KCNK2: variants seen among roughly 807,000 people sequenced by gnomAD.
The protein encoded by KCNK2 is potassium channel subfamily K member 2.
A neutral mutation model predicts 40.5 loss-of-function variants in KCNK2; 21 were observed. The ratio of observed to expected loss-of-function variants is 0.52; its 90% CI spans 0.37 to 0.75. The LOEUF (loss-of-function observed/expected upper bound fraction) is 0.75. Ranked by LOEUF, KCNK2 falls within the 30% of genes least tolerant of loss-of-function variation. The pLI, the probability that KCNK2 is intolerant of heterozygous loss-of-function variation, is 0.00. For synonymous variants in KCNK2, 191 were observed against 202.2 expected (o/e 0.94, Z 0.47); for missense variants, 399 against 531.6 (o/e 0.75, Z 2.45).
rs1256397862 is a variant in KCNK2, at chr1:215,007,131, G to GTGTATATATATATGTA, written c.34+1187_34+1188insATGTATGTATATATAT. Among the ~76,000 whole-genome samples, 224 of 114,836 alleles carry GTGTATATATATATGTA rather than the reference G, an allele frequency of 2.0e-3. 1 individual carries two copies. The East Asian group carries it at 0.023, about 12-fold the overall frequency. The allele number at this position is 114,836 out of a possible 152,430, so 75.3% of individuals were successfully genotyped here. On this transcript the variant is annotated intron_variant, in intron 1 of 6. Transcript: ENST00000391895. ...TATGTGTGTATATATGTATATATAT[G>GTGTATATATATATGTA]TGTATATATATGTGTATATATATAT...
chr1:215,185,361 G>T (rs887058555), intron 5 of KCNK2, among the ~76,000 whole-genome samples: 2 of 152,074 alleles, frequency 1.3e-5, no homozygotes, highest in Admixed American at 1.3e-4. Context: ...TACATTCCAG[G>T]TCCTTGTGTC....
At position 215,170,864 on chromosome 1, in the gene KCNK2, G is replaced by A. The variant is rs191726159; in HGVS notation, c.637-1133G>A. On this transcript the variant is annotated intron_variant, in intron 4 of 6. Transcript: ENST00000444842. ...CTAGATGCTGGGTAATATTTTTTAT[G>A]TTGCATATATACCAGTGCATAAAAA... is the stretch of plus-strand genomic sequence containing the variant. Among the ~76,000 whole-genome samples the A allele has an allele frequency of 2.0e-5, 3 of 152,036 alleles. No homozygotes were observed. The East Asian group carries it at 5.8e-4, about 29-fold the overall frequency.
intron 1 of KCNK2, among the ~76,000 whole-genome samples, chr1:215,064,281 A>T (rs1658460279): frequency 6.6e-6 from 1 of 151,750 alleles, no homozygotes; most frequent in African/African-American, 2.4e-5. Flanking sequence ...ATTTTCAACA[A>T]TTTTTTGTGC....
At chr1:215,201,790 A>C (rs866602359) in intron 6 of KCNK2, among the ~76,000 whole-genome samples, 5 of 152,278 alleles carry the variant, frequency 3.3e-5, no homozygotes, top group Middle Eastern at 3.4e-3. Context: ...CTAGAAAAAG[A>C]AGCTTTGACT....
chr1:215,072,676 A>T (rs1658797912), intron 1 of KCNK2, among the ~76,000 whole-genome samples: 1 of 152,192 alleles, frequency 6.6e-6, no homozygotes, highest in Non-Finnish European at 1.5e-5. Flanking sequence ...GGTGTTGGAA[A>T]TCCAGAGATT....
rs78901036 is a variant in KCNK2, at chr1:215,138,067, A to G, written c.475+13317A>G. ...AAGTGCAATTTTGTGCTACTTCAAA[A>G]ATTGAGAGAAAATACTGTATTAGAA... On this transcript the variant is annotated intron_variant, in intron 3 of 6. Transcript: ENST00000444842. Among the ~76,000 whole-genome samples, 332 of 152,338 alleles carry G rather than the reference A, an allele frequency of 2.2e-3. 1 individual carries two copies. The highest frequency in any genetic ancestry group is 7.4e-3 in the African/African-American group (307 of 41,572).
chr1:215,036,164 T>A (rs1424926761), intron 1 of KCNK2, among the ~76,000 whole-genome samples: 1 of 151,870 alleles, frequency 6.6e-6, no homozygotes, highest in East Asian at 1.9e-4. Context: ...TTTATAATTT[T>A]AGCTTTTACT....
chr1:215,026,072 T>C (rs1175154156), intron 1 of KCNK2, among the ~76,000 whole-genome samples: 5 of 152,088 alleles, frequency 3.3e-5, no homozygotes, highest in Admixed American at 3.3e-4. Flanking sequence ...CATTTATTAT[T>C]ACTTCAGTTT....
intron 3 of KCNK2, among the ~76,000 whole-genome samples, chr1:215,143,858 T>G (rs1662294532): frequency 6.6e-6 from 1 of 152,188 alleles, no homozygotes; most frequent in Admixed American, 6.5e-5. Context: ...AGACCCTATC[T>G]TTCTAAGTGG....
intron 6 of KCNK2, among the ~76,000 whole-genome samples, chr1:215,205,284 C>T (rs925426991): frequency 9.2e-5 from 14 of 152,092 alleles, no homozygotes; most frequent in African/African-American, 3.4e-4. Context: ...GTTGCCCAGG[C>T]TGGAGTGCAG....
chr1:215,033,280 T>A (rs1222086250), intron 1 of KCNK2, among the ~76,000 whole-genome samples: 4 of 152,062 alleles, frequency 2.6e-5, no homozygotes, highest in African/African-American at 9.7e-5. Flanking sequence ...ACATGGTGTC[T>A]ACTTCAATTA....
chr1:215,211,347 C>T (rs1665738212), intron 6 of KCNK2, among the ~76,000 whole-genome samples: 1 of 152,044 alleles, frequency 6.6e-6, no homozygotes. Context: ...CAGGTACCTA[C>T]CTGGCTCACC....
At chr1:215,113,788 G>A (rs994401006) in intron 2 of KCNK2, among the ~76,000 whole-genome samples, 1 of 152,066 alleles carries the variant, frequency 6.6e-6, no homozygotes, top group Non-Finnish European at 1.5e-5. Flanking sequence ...TAAAGATGGG[G>A]TTTTCCCATG....
At position 215,177,722 on chromosome 1, in the gene KCNK2, G is replaced by GTA. The variant is rs1553270861; in HGVS notation, c.823+5557_823+5558dup. Among the ~76,000 whole-genome samples the GTA allele has an allele frequency of 6.8e-3, 791 of 116,222 alleles. 9 individuals are homozygous for GTA. The highest frequency in any genetic ancestry group is 0.023 in the African/African-American group (710 of 31,496). 76.2% of individuals were successfully genotyped at this position (116,222 alleles called of 152,430 possible). ...GCTCCACTGGCCTATATATATATGTGTATATATATATATATATATTTTTTT... is the reference window on the plus strand; with the variant it reads ...GCTCCACTGGCCTATATATATATGTGTATATATATATATATATATATTTTTTT... On this transcript the variant is annotated intron_variant, in intron 5 of 6. Transcript: ENST00000444842.
At chr1:215,107,220 A>G (rs757815029) in intron 2 of KCNK2, among the ~76,000 whole-genome samples, 9 of 152,010 alleles carry the variant, frequency 5.9e-5, no homozygotes, top group Non-Finnish European at 1.2e-4. Flanking sequence ...ATCTATGAGC[A>G]TGGAACACTT....
chr1:215,022,129 A>ATCTATCTATCTATCTAATCTATCT (rs5780811), intron 1 of KCNK2, among the ~76,000 whole-genome samples: 1 of 122,962 alleles, frequency 8.1e-6, no homozygotes, highest in Non-Finnish European at 1.7e-5. Context: ...CTATCTATCT[A>ATCTATCTATCTATCTAATCTATCT]ATCATCTATC....
intron 5 of KCNK2, among the ~76,000 whole-genome samples, chr1:215,174,563 G>A (rs1423446359): frequency 6.6e-6 from 1 of 152,194 alleles, no homozygotes; most frequent in Non-Finnish European, 1.5e-5. Context: ...ACCTTGGGCA[G>A]TATGGCCATT....
chr1:215,180,592 A>G (rs180879820), intron 5 of KCNK2, among the ~76,000 whole-genome samples: 3 of 152,210 alleles, frequency 2.0e-5, no homozygotes, highest in African/African-American at 7.2e-5. Flanking sequence ...TCTGGAAAAA[A>G]TATTTTATTT....
chr1:215,191,234 G>A lies in KCNK2; in HGVS notation c.824-3719G>A, dbSNP rs1307094502. 2.7e-5 allele frequency among the ~76,000 whole-genome samples: 4 copies of A among 150,306 alleles called. No homozygotes were observed. The South Asian group carries it at 6.3e-4, about 24-fold the overall frequency. On this transcript the variant is annotated intron_variant, in intron 5 of 6. Coordinates refer to ENST00000444842, the MANE Select transcript of KCNK2 (RefSeq NM_001017425.3). The stretch of plus-strand genomic sequence containing the variant: ...CGGGAGGTGGAAGTTGCAGTGAGCC[G>A]AAATGCACCACTGCACTCTTGCCTG...
Sources: gnomAD v4.1 joint callset for allele counts (sites outside exome capture counted in the v4.1 genomes callset) on GRCh38, gnomAD v4.1.1 for gene constraint, MANE v1.5 for transcripts, NCBI Gene and HGNC (gene_info 2026-07-23, HGNC 2026-07-21) for gene names.